The following MTA3 variants were observed in gnomAD, a reference collection of about 807,000 sequenced individuals.
The protein encoded by MTA3 is metastasis associated 1 family member 3.
A neutral mutation model predicts 83.5 loss-of-function variants in MTA3; 34 were observed. The observed-to-expected ratio is 0.41, with a 90% CI of 0.31 to 0.54. The LOEUF (loss-of-function observed/expected upper bound fraction) is 0.54, where lower values mean the gene tolerates loss of function less well. Ranked by LOEUF, MTA3 falls within the 20% of genes least tolerant of loss-of-function variation. The probability of loss-of-function intolerance (pLI) is 0.33; values close to 1 mark genes in which losing one functional copy is unlikely to be tolerated. For synonymous variants in MTA3, 303 were observed against 252.7 expected, an observed-to-expected ratio of 1.20 and a Z score of -1.89; for missense variants, 761 against 726.4, an observed-to-expected ratio of 1.05 and a Z score of -0.55.
At chr2:42,671,309 T>G (rs1690771780) in intron 8 of MTA3, among the ~76,000 whole-genome samples, 1 of 152,168 alleles carries the variant, frequency 6.6e-6, no homozygotes, top group Non-Finnish European at 1.5e-5. Context: ...TTTGCCGTAT[T>G]TGTAGTTACA....
rs567013383 is a variant in MTA3, at chr2:42,719,090, T to C, written c.1612+16T>C. ...GGGTATTTAGGTGGGTATTTTCTAA[T>C]AGAGGAAAAACTCAAAGAGCAATTT... On this transcript the variant is annotated intron_variant, in intron 15 of 16. Transcript: ENST00000405094. 1.4e-4 allele frequency: 218 copies of C among 1,529,040 alleles called. 1 individual carries two copies. The East Asian group carries it at 4.2e-3, about 30-fold the overall frequency. 94.7% of individuals were successfully genotyped at this position (1,529,040 alleles called of 1,614,324 possible).
chr2:42,609,510 G>A lies in MTA3; in HGVS notation c.243G>A (p.Lys81=). 6.2e-7 allele frequency: 1 copy of A among 1,613,896 alleles called. No individual in the cohort carries two copies. The highest frequency in any genetic ancestry group is 8.5e-7 in the Non-Finnish European group (1 of 1,179,832). Residue 81 remains lysine, a synonymous_variant, in exon 4 of 17, where the codon AAG becomes AAA. Coordinates refer to ENST00000405094, the MANE Select transcript of MTA3 (RefSeq NM_001330442.2). ...CAGTTGAGGCTGACTTGACCGATAAGCAGAAACATCAGTTGAAACATAGGG... is the reference window on the plus strand; with the variant it reads ...CAGTTGAGGCTGACTTGACCGATAAACAGAAACATCAGTTGAAACATAGGG... ...ETTVEADLTD[K]QKHQLKHREL...
chr2:42,590,946 A>G (rs1327721913), intron 3 of MTA3, among the ~76,000 whole-genome samples: 2 of 151,980 alleles, frequency 1.3e-5, no homozygotes, highest in East Asian at 3.8e-4. Context: ...CTGTAATTTG[A>G]CCACTGTGTA....
chr2:42,637,909 T>G (rs1687339693), intron 4 of MTA3, among the ~76,000 whole-genome samples: 1 of 152,192 alleles, frequency 6.6e-6, no homozygotes, highest in African/African-American at 2.4e-5. Context: ...GTTTGAATTT[T>G]CAGTGTCCGT....
At chr2:42,655,072 G>A (rs1482002911) in intron 6 of MTA3, among the ~76,000 whole-genome samples, 1 of 152,132 alleles carries the variant, frequency 6.6e-6, no homozygotes, top group Non-Finnish European at 1.5e-5. Context: ...ACTTGTGAAG[G>A]AACTCTTAAA....
intron 9 of MTA3, among the ~76,000 whole-genome samples, chr2:42,689,808 C>G (rs1245816928): frequency 6.6e-4 from 85 of 128,978 alleles, no homozygotes; most frequent in African/African-American, 2.4e-3. Flanking sequence ...ATCAGTCTGG[C>G]TAGGAGTTTA....
chr2:42,661,454 C>A (rs1689699106), intron 8 of MTA3, among the ~76,000 whole-genome samples: 1 of 132,310 alleles, frequency 7.6e-6, no homozygotes, highest in Non-Finnish European at 1.5e-5. Context: ...GAGCTGAGAT[C>A]ATGCTCATGC....
intron 2 of MTA3, among the ~76,000 whole-genome samples, chr2:42,495,873 T>C (rs1197859184): frequency 6.6e-6 from 1 of 152,176 alleles, no homozygotes; most frequent in Non-Finnish European, 1.5e-5. Context: ...GGGTCTGTTC[T>C]GAGAAACGCT....
chr2:42,713,758 GCCT>G (rs1666814872), intron 14 of MTA3, among the ~76,000 whole-genome samples: 1 of 152,072 alleles, frequency 6.6e-6, no homozygotes, highest in African/African-American at 2.4e-5. Flanking sequence ...ATTGAAAACT[GCCT>G]CCTTTTTGTG....
chr2:42,556,563 C>G (rs142131918), intron 2 of MTA3, among the ~76,000 whole-genome samples: 1 of 152,154 alleles, frequency 6.6e-6, no homozygotes, highest in East Asian at 1.9e-4. Context: ...TGCCACTGGC[C>G]GGGAGTCACT....
intron 8 of MTA3, among the ~76,000 whole-genome samples, chr2:42,679,585 T>G (rs1054754023): frequency 3.9e-5 from 6 of 152,230 alleles, no homozygotes; most frequent in Admixed American, 6.5e-5. Flanking sequence ...TGTTCCACAT[T>G]ATATAAACAA....
chr2:42,516,191 A>T (rs1220774691), intron 2 of MTA3, among the ~76,000 whole-genome samples: 2 of 152,180 alleles, frequency 1.3e-5, no homozygotes, highest in African/African-American at 4.8e-5. Flanking sequence ...TGCTGGGATC[A>T]GGCATGAGCC....
chr2:42,746,505 C>T (rs1037500551), intron 16 of MTA3, among the ~76,000 whole-genome samples: 1 of 152,176 alleles, frequency 6.6e-6, no homozygotes, highest in African/African-American at 2.4e-5. Context: ...CCATGTCTAC[C>T]TGGAGAGTGT....
At position 42,754,461 on chromosome 2, in the gene MTA3, G is replaced by C; in HGVS notation, c.*1062G>C. 1.0e-6 allele frequency: 1 copy of C among 985,484 alleles called. No individual in the cohort carries two copies. Among genetic ancestry groups the C allele is most frequent in the Non-Finnish European group, 1.2e-6 (1 of 829,996 alleles). 61.0% of individuals were successfully genotyped at this position (985,484 alleles called of 1,614,324 possible). A position where few individuals can be genotyped will look rare whatever the true frequency, so the allele number is the denominator to read the frequency against. On this transcript the variant is annotated 3_prime_UTR_variant, in exon 17 of 17. Coordinates refer to ENST00000405094, the MANE Select transcript of MTA3 (RefSeq NM_001330442.2). ...TGCTCCTTTGGCTTGGGCTCTTCGT[G>C]TTTCCCACCTGCCCTCGGCACGAGC...
chr2:42,756,392 T>A lies in MTA3; in HGVS notation c.*2993T>A. 1.1e-6 allele frequency: 1 copy of A among 896,448 alleles called. No individual in the cohort carries two copies. The highest frequency in any genetic ancestry group is 1.3e-6 in the Non-Finnish European group (1 of 748,760). 55.5% of individuals were successfully genotyped at this position (896,448 alleles called of 1,614,324 possible). ...GAAACCCAGTTGGAAGCAGCTGCCC[T>A]GGGAGCCTGGGACAGGCGACCCACC... On this transcript the variant is annotated 3_prime_UTR_variant, in exon 17 of 17. Transcript: ENST00000405094.
chr2:42,605,801 C>T (rs1450749045), intron 3 of MTA3, among the ~76,000 whole-genome samples: 3 of 128,444 alleles, frequency 2.3e-5, no homozygotes, highest in Non-Finnish European at 5.1e-5. Flanking sequence ...GGCAGAGGCG[C>T]CCCTCAGCTC....
intron 8 of MTA3, among the ~76,000 whole-genome samples, chr2:42,667,574 G>GTGTGTGTGTGTGTGTGTGTGTGTT (rs1558562152): frequency 5.8e-5 from 7 of 121,168 alleles, no homozygotes; most frequent in African/African-American, 1.0e-4. Context: ...TAAAAATTGT[G>GTGTGTGTGTGTGTGTGTGTGTGTT]TGTGTGTGTG....
intron 14 of MTA3, among the ~76,000 whole-genome samples, chr2:42,711,619 C>G (rs765176718): frequency 4.6e-5 from 7 of 152,150 alleles, no homozygotes; most frequent in Non-Finnish European, 8.8e-5. Context: ...TTCCTAACAT[C>G]TAATTGATTA....
At chr2:42,619,037 GTGCACCTGT>G (rs1367607033) in intron 4 of MTA3, among the ~76,000 whole-genome samples, 1 of 152,162 alleles carries the variant, frequency 6.6e-6, no homozygotes, top group Non-Finnish European at 1.5e-5. Flanking sequence ...TTATTCTTCA[GTGCACCTGT>G]TGTCATTTTT....
Sources: gnomAD v4.1 joint callset for allele counts (sites outside exome capture counted in the v4.1 genomes callset) on GRCh38, gnomAD v4.1.1 for gene constraint, MANE v1.5 for transcripts, NCBI Gene and HGNC (gene_info 2026-07-23, HGNC 2026-07-21) for gene names.